INPP5B: variants seen among roughly 807,000 people sequenced by gnomAD.
INPP5B encodes the protein type II inositol 1,4,5-trisphosphate 5-phosphatase.
A neutral mutation model predicts 118.5 loss-of-function variants in INPP5B; 90 were observed. That is an observed-to-expected ratio of 0.76 (90% CI 0.64 to 0.90). INPP5B has a LOEUF of 0.90. Among genes scored for constraint, INPP5B ranks in the 40% least tolerant of loss-of-function variants. The pLI, the probability that INPP5B is intolerant of heterozygous loss-of-function variation, is 0.00. For missense variants in INPP5B, 984 were observed against 1,125.6 expected (o/e 0.87, Z 1.80); for synonymous variants, 385 against 418.9 (o/e 0.92, Z 0.99).
At chr1:37,868,389 C>T in intron 20 of INPP5B, 112 bp downstream of exon 20, 1 of 693,118 alleles carries the variant, frequency 1.4e-6, no homozygotes, top group Non-Finnish European at 2.6e-6. Flanking sequence ...TTCCTCCCCT[C>T]CCTGGGTGAA....
chr1:37,903,162 C>A (rs926250551), intron 7 of INPP5B, among the ~76,000 whole-genome samples: 1 of 152,078 alleles, frequency 6.6e-6, no homozygotes, highest in African/African-American at 2.4e-5. Context: ...GAGAGTTAGG[C>A]ATACTAAGTC....
intron 7 of INPP5B, 193 bp downstream of exon 7, chr1:37,931,720 C>T (rs1332986886): frequency 2.6e-6 from 4 of 1,560,178 alleles, no homozygotes; most frequent in African/African-American, 2.7e-5. Flanking sequence ...CATTTCCCTG[C>T]CTGCTTCCTC....
Position 37,880,066 on chromosome 1 carries a change from G to C in INPP5B, c.1541+19C>G. Reference sequence around the variant, plus strand: ...TGGGTTTCCGTTTGCTCAACCCTTTGAAGCAACCTCTGACCTACCTGGTAT... The same window carrying C: ...TGGGTTTCCGTTTGCTCAACCCTTTCAAGCAACCTCTGACCTACCTGGTAT... On this transcript the variant is annotated intron_variant, in intron 15 of 23. Coordinates refer to ENST00000373024, the MANE Select transcript of INPP5B (RefSeq NM_005540.3). 1.3e-6 allele frequency: 2 copies of C among 1,558,054 alleles called. No individual in the cohort carries two copies. Among genetic ancestry groups the C allele is most frequent in the South Asian group, 2.3e-5 (2 of 87,872 alleles).
At chr1:37,902,242 C>A (rs1351577028) in intron 7 of INPP5B, among the ~76,000 whole-genome samples, 2 of 152,172 alleles carry the variant, frequency 1.3e-5, no homozygotes, top group Non-Finnish European at 2.9e-5. Context: ...CCACCTTGGC[C>A]TCCCAAAGTG....
intron 7 of INPP5B, among the ~76,000 whole-genome samples, chr1:37,897,433 C>A (rs986245325): frequency 2.2e-4 from 34 of 151,768 alleles, no homozygotes; most frequent in Admixed American, 9.9e-4. Flanking sequence ...GGTGACCTTA[C>A]CCCCAACCCT....
rs1301336374 is a variant in INPP5B at position 37,907,015 on chromosome 1, GA to G, written c.533-15562del. 6.6e-6 allele frequency among the ~76,000 whole-genome samples: 1 copy of G among 152,158 alleles called. No homozygotes were observed. Among genetic ancestry groups the G allele is most frequent in the Non-Finnish European group, 1.5e-5 (1 of 68,030 alleles). On this transcript the variant is annotated intron_variant, in intron 7 of 23. Coordinates refer to ENST00000373024, the MANE Select transcript of INPP5B (RefSeq NM_005540.3). The surrounding 1 kb of genome is among the most constrained non-coding windows in gnomAD (Gnocchi z 4.3). ...CTGGTGCAGCTCAGAAGAAACAAGA[GA>G]TATAGGTAATGTAAAAACCTGGATC...
intron 7 of INPP5B, among the ~76,000 whole-genome samples, chr1:37,923,534 G>A (rs918618198): frequency 6.6e-6 from 1 of 152,122 alleles, no homozygotes; most frequent in Admixed American, 6.6e-5. Context: ...CCCTAAAGGA[G>A]AGGGAAACTT....
At chr1:37,891,331 G>A (rs373183239) in intron 8 of INPP5B, 27 bp downstream of exon 8, 62 of 1,546,624 alleles carry the variant, frequency 4.0e-5, no homozygotes, top group African/African-American at 5.4e-5. Flanking sequence ...GTCCTACAAG[G>A]GACAAGTGAA....
chr1:37,871,373 G>A (rs543635306), intron 19 of INPP5B, among the ~76,000 whole-genome samples: 1 of 149,420 alleles, frequency 6.7e-6, no homozygotes, highest in African/African-American at 2.5e-5. Flanking sequence ...CAGGAGAATC[G>A]TTTGAACCTG....
At chr1:37,911,688 G>A (rs1644704500) in intron 7 of INPP5B, among the ~76,000 whole-genome samples, 1 of 152,076 alleles carries the variant, frequency 6.6e-6, no homozygotes, top group Non-Finnish European at 1.5e-5. Flanking sequence ...TCCATATCCT[G>A]CACCACCATG....
In INPP5B at chr1:37,890,347, C is replaced by CA. The variant is rs746979449; in HGVS notation, c.630-624dup. 3.9e-3 allele frequency among the ~76,000 whole-genome samples: 482 copies of CA among 123,154 alleles called. 2 individuals are homozygous for CA. Among genetic ancestry groups the CA allele is most frequent in the African/African-American group, 0.011 (352 of 33,430 alleles). 80.8% of individuals were successfully genotyped at this position (123,154 alleles called of 152,430 possible). ...TGGGTGACAAAGTGAGACTCTGTCT[C>CA]AAAAGAAAAAAAAAGAAAAAAACTG... On this transcript the variant is annotated intron_variant, in intron 8 of 23. Transcript: ENST00000373024.
At chr1:37,897,051 C>T (rs1306934194) in intron 7 of INPP5B, among the ~76,000 whole-genome samples, 2 of 148,218 alleles carry the variant, frequency 1.3e-5, no homozygotes, top group Non-Finnish European at 3.0e-5. Flanking sequence ...CCCGGCTGCC[C>T]CTACTGGGAA....
intron 6 of INPP5B, among the ~76,000 whole-genome samples, chr1:37,933,136 T>C (rs1474349939): frequency 6.6e-6 from 1 of 152,232 alleles, no homozygotes; most frequent in Admixed American, 6.5e-5. Context: ...TTTTAAGTTG[T>C]CTTCAGCATT....
At chr1:37,871,131 C>T (rs1369578092) in intron 19 of INPP5B, among the ~76,000 whole-genome samples, 1 of 134,748 alleles carries the variant, frequency 7.4e-6, no homozygotes, top group Non-Finnish European at 1.5e-5. Flanking sequence ...GCACTCCAGC[C>T]TGGGTGACAG....
Position 37,884,668 on chromosome 1 carries a change from A to G in INPP5B, c.1319+970T>C, listed in dbSNP as rs1218577311. 2.0e-5 allele frequency among the ~76,000 whole-genome samples: 3 copies of G among 152,172 alleles called. No homozygotes were observed. The East Asian group carries it at 5.8e-4, about 29-fold the overall frequency. On this transcript the variant is annotated intron_variant, in intron 13 of 23. Coordinates refer to ENST00000373024, the MANE Select transcript of INPP5B (RefSeq NM_005540.3). Reference sequence around the variant, plus strand: ...ATAAAATTAAATACTGAAAAAACAAATGGCCGGGCGTGGTGGCTCATGCCT... The same window carrying G: ...ATAAAATTAAATACTGAAAAAACAAGTGGCCGGGCGTGGTGGCTCATGCCT...
In INPP5B at chr1:37,887,399, C is replaced by T. The variant is rs753273148; in HGVS notation, c.966G>A (p.Trp322Ter). The change falls in exon 11 of 24, where the codon TGG becomes TGA. Residue 322 changes from tryptophan to a stop codon, truncating the protein, a stop_gained. Coordinates refer to ENST00000373024, the MANE Select transcript of INPP5B (RefSeq NM_005540.3). LOFTEE classifies it high-confidence loss of function. ...GAAGACCCTCTGACACAGCTTTGAA[C>T]CACTCTTCCTCCTTTGGGGTATCGT... is the stretch of plus-strand genomic sequence containing the variant. ...FFHDTPKEEE[W>*]FKAVSEGLHP... is the part of the protein sequence containing the mutation. 6.2e-7 allele frequency: 1 copy of T among 1,613,874 alleles called. No homozygotes were observed. The highest frequency in any genetic ancestry group is 8.5e-7 in the Non-Finnish European group (1 of 1,179,796).
At chr1:37,904,831 C>A (rs142866378) in intron 7 of INPP5B, among the ~76,000 whole-genome samples, 1 of 151,142 alleles carries the variant, frequency 6.6e-6, no homozygotes, top group Admixed American at 6.6e-5. Flanking sequence ...GAGCCAAGAT[C>A]GTGCCACTGC....
rs558077343 is a variant in INPP5B at position 37,877,010 on chromosome 1, G to A, written c.1677+1178C>T. On this transcript the variant is annotated intron_variant, in intron 16 of 23. Coordinates refer to ENST00000373024, the MANE Select transcript of INPP5B (RefSeq NM_005540.3). ...ATTGAGGCCGCAGTTCGCTGTGACT[G>A]TGCCACTGCATCACTGCACTCCAGC... Among the ~76,000 whole-genome samples, 127 of 151,992 alleles carry A rather than the reference G, an allele frequency of 8.4e-4. 1 individual carries two copies. The Middle Eastern group carries it at 0.01, about 12-fold the overall frequency.
intron 7 of INPP5B, among the ~76,000 whole-genome samples, chr1:37,921,786 G>A (rs146128002): frequency 3.0e-4 from 45 of 152,318 alleles, no homozygotes; most frequent in African/African-American, 1.1e-3. Context: ...AAGGCAGGTG[G>A]ATCACCTGAG....
Sources: gnomAD v4.1 joint callset for allele counts (sites outside exome capture counted in the v4.1 genomes callset) on GRCh38, gnomAD v4.1.1 for gene constraint, Gnocchi (gnomAD v3.1) non-coding constraint, MANE v1.5 for transcripts, NCBI Gene and HGNC (gene_info 2026-07-23, HGNC 2026-07-21) for gene names.